The following ADCY5 variants were observed in gnomAD, a reference collection of about 807,000 sequenced individuals.
ADCY5 encodes the protein adenylate cyclase 5.
In ADCY5, 30 loss-of-function variants were observed where a neutral mutation model predicts 119.7. The observed-to-expected ratio is 0.25, with a 90% CI of 0.19 to 0.34. The LOEUF is 0.34. Among genes scored for constraint, ADCY5 ranks in the 10% least tolerant of loss-of-function variants. The pLI, the probability that ADCY5 is intolerant of heterozygous loss-of-function variation, is 1.00. For synonymous variants in ADCY5, 753 were observed against 762.2 expected, an observed-to-expected ratio of 0.99 and a Z score of 0.20; for missense variants, 1,324 against 1,775.2, an observed-to-expected ratio of 0.75 and a Z score of 4.57.
At chr3:123,318,770 A>T (rs1377280573) in intron 10 of ADCY5, among the ~76,000 whole-genome samples, 1 of 152,042 alleles carries the variant, frequency 6.6e-6, no homozygotes, top group African/African-American at 2.4e-5. Context: ...CCCTGGGGAG[A>T]TGCTGCCACA....
Position 123,447,880 on chromosome 3 carries a change from C to T in ADCY5, c.666G>A (p.Pro222=), listed in dbSNP as rs1945855512. 1.9e-6 allele frequency: 3 copies of T among 1,612,398 alleles called. No individual in the cohort carries two copies. Among genetic ancestry groups the T allele is most frequent in the South Asian group, 1.1e-5 (1 of 91,058 alleles). The change falls in exon 1 of 21, where the codon CCG becomes CCA. Residue 222 remains proline (P), a synonymous_variant. Coordinates refer to ENST00000462833, the MANE Select transcript of ADCY5 (RefSeq NM_183357.3). ...LLQIFRSKKF[P]SDKLERLYQR... ...GGTACAGCCGCTCCAGTTTGTCCGA[C>T]GGGAACTTCTTGGAGCGGAATATCT...
intron 2 of ADCY5, among the ~76,000 whole-genome samples, chr3:123,351,765 G>A (rs1195714849): frequency 6.6e-6 from 1 of 152,182 alleles, no homozygotes; most frequent in Non-Finnish European, 1.5e-5. Context: ...GGAAGGGCTG[G>A]ACCCCTGATG....
At chr3:123,296,856 G>C (rs535212244) in intron 16 of ADCY5, 45 of 701,914 alleles carry the variant, frequency 6.4e-5, no homozygotes, top group Middle Eastern at 4.0e-4. Flanking sequence ...CAAATCCTAC[G>C]TCTTGTGCCT....
At chr3:123,336,822 C>G (rs1442324171) in intron 3 of ADCY5, among the ~76,000 whole-genome samples, 1 of 152,190 alleles carries the variant, frequency 6.6e-6, no homozygotes, top group Non-Finnish European at 1.5e-5. Context: ...TTGGCAAGCG[C>G]ATTCTTCCAT....
chr3:123,434,280 C>T (rs1158915090), intron 1 of ADCY5, among the ~76,000 whole-genome samples: 1 of 152,250 alleles, frequency 6.6e-6, no homozygotes, highest in Admixed American at 6.5e-5. Context: ...CTCTCCAAAA[C>T]CACATCAGCA....
intron 5 of ADCY5, 131 bp downstream of exon 5, chr3:123,330,758 G>A: frequency 8.0e-7 from 1 of 1,247,154 alleles, no homozygotes; most frequent in Non-Finnish European, 1.1e-6. Context: ...CAGCTTGGCT[G>A]GGCACCTTTT....
chr3:123,368,424 T>C (rs775740459), intron 1 of ADCY5, among the ~76,000 whole-genome samples: 30 of 152,144 alleles, frequency 2.0e-4, no homozygotes, highest in Non-Finnish European at 3.8e-4. Context: ...GGCGAAACGC[T>C]GTCTCTACTC....
intron 12 of ADCY5, among the ~76,000 whole-genome samples, chr3:123,309,900 G>C (rs915414280): frequency 1.3e-5 from 2 of 152,046 alleles, no homozygotes; most frequent in Non-Finnish European, 2.9e-5. Context: ...GTGGTAGAAA[G>C]GAGAACCAGC....
intron 1 of ADCY5, among the ~76,000 whole-genome samples, chr3:123,440,619 A>G (rs375169184): frequency 2.6e-5 from 4 of 152,048 alleles, no homozygotes; most frequent in East Asian, 3.9e-4. Context: ...ATTCTTCCCC[A>G]TCGCCTGTCT....
chr3:123,287,606 A>G (rs6777397), intron 19 of ADCY5, among the ~76,000 whole-genome samples: 62,406 of 150,408 alleles, frequency 0.41, 13,449 homozygotes, highest in East Asian at 0.81. Context: ...GCTCCAAACT[A>G]GGCCCCTGGT....
chr3:123,409,577 T>G (rs1224515497), intron 1 of ADCY5, among the ~76,000 whole-genome samples: 1 of 152,168 alleles, frequency 6.6e-6, no homozygotes, highest in East Asian at 1.9e-4. Context: ...TCTAGCACAG[T>G]GGTTCTCCAA....
At chr3:123,330,028 G>A (rs991489100) in intron 5 of ADCY5, among the ~76,000 whole-genome samples, 5 of 152,194 alleles carry the variant, frequency 3.3e-5, no homozygotes, top group South Asian at 2.1e-4. Context: ...CCCTTACCTC[G>A]CCGTGTCCAC....
rs1193481060 is a variant in ADCY5, at chr3:123,448,138, G to A, written c.408C>T (p.Gly136=). 6 of 1,024,148 alleles carry A rather than the reference G, an allele frequency of 5.9e-6. No homozygotes were observed. Among genetic ancestry groups the A allele is most frequent in the Non-Finnish European group, 5.8e-6 (5 of 860,878 alleles). 63.4% of individuals were successfully genotyped at this position (1,024,148 alleles called of 1,614,324 possible). The change falls in exon 1 of 21, where the codon GGC becomes GGT. Residue 136 remains glycine, a synonymous_variant. Coordinates refer to ENST00000462833, the MANE Select transcript of ADCY5 (RefSeq NM_183357.3). ...AGGCAGCCGCCGCCGCCGAGCCGCC[G>A]CCGCCGCCCGCAGGGGGCGCCCGGG... is the stretch of plus-strand genomic sequence containing the variant. The part of the protein sequence containing the change: ...GSTRAPPAGG[G]GGSAAAAASA...
chr3:123,295,068 G>A (rs1939416251), intron 17 of ADCY5, among the ~76,000 whole-genome samples: 1 of 152,142 alleles, frequency 6.6e-6, no homozygotes, highest in Non-Finnish European at 1.5e-5. Context: ...CCAAACTCAG[G>A]GGACCCCTCA....
At chr3:123,399,874 G>C (rs962756692) in intron 1 of ADCY5, among the ~76,000 whole-genome samples, 43 of 152,156 alleles carry the variant, frequency 2.8e-4, no homozygotes, top group African/African-American at 9.9e-4. Flanking sequence ...TGTGGAACAT[G>C]CAAGTCGGGA....
intron 1 of ADCY5, among the ~76,000 whole-genome samples, chr3:123,377,714 C>T (rs1161187725): frequency 2.0e-5 from 3 of 152,166 alleles, no homozygotes; most frequent in South Asian, 2.1e-4. Flanking sequence ...TAACCCAGCA[C>T]GAAGAAAGAA....
At chr3:123,426,472 C>T (rs986959892) in intron 1 of ADCY5, among the ~76,000 whole-genome samples, 2 of 151,754 alleles carry the variant, frequency 1.3e-5, no homozygotes, top group Non-Finnish European at 2.9e-5. Context: ...TACAGGCGTG[C>T]GCCACCAAGC....
chr3:123,370,655 C>T (rs1163869069), intron 1 of ADCY5, among the ~76,000 whole-genome samples: 1 of 152,244 alleles, frequency 6.6e-6, no homozygotes, highest in Non-Finnish European at 1.5e-5. Flanking sequence ...GAGACTATGA[C>T]ACAAGAGAAA....
At chr3:123,438,702 C>A (rs1576697820) in intron 1 of ADCY5, among the ~76,000 whole-genome samples, 4 of 152,288 alleles carry the variant, frequency 2.6e-5, no homozygotes, top group Admixed American at 2.6e-4. Flanking sequence ...GTGATGCTGG[C>A]AGTTTGGATA....
Sources: allele counts gnomAD v4.1 joint callset (sites outside exome capture counted in the v4.1 genomes callset), GRCh38; gene constraint gnomAD v4.1.1; transcripts MANE v1.5; gene names NCBI Gene and HGNC (gene_info 2026-07-23, HGNC 2026-07-21).